REPS1: variants seen among roughly 807,000 people sequenced by gnomAD.
REPS1 encodes the protein RALBP1 associated Eps domain containing 1.
Under a neutral mutation model 100.9 loss-of-function variants are expected in REPS1, and 39 were observed. That is an observed-to-expected ratio of 0.39 (90% CI 0.30 to 0.50). REPS1 has a LOEUF of 0.50. Ranked by LOEUF, REPS1 falls within the 20% of genes least tolerant of loss-of-function variation. The probability of loss-of-function intolerance (pLI) is 0.86; values close to 1 mark genes in which losing one functional copy is unlikely to be tolerated. For synonymous variants in REPS1, 324 were observed against 340.3 expected (o/e 0.95, Z 0.53); for missense variants, 821 against 968.5 (o/e 0.85, Z 2.02).
chr6:138,963,412 A>G (rs1302376709), intron 1 of REPS1, among the ~76,000 whole-genome samples: 1 of 152,152 alleles, frequency 6.6e-6, no homozygotes, highest in Non-Finnish European at 1.5e-5. Context: ...AAGGTCTGGC[A>G]ATGTTCTTTG....
chr6:138,914,580 C>A lies in REPS1; in HGVS notation c.1785+117G>T, dbSNP rs374159049. 9 of 784,910 alleles carry A rather than the reference C, an allele frequency of 1.1e-5. 1 individual carries two copies. Among genetic ancestry groups the A allele is most frequent in the East Asian group, 2.5e-5 (1 of 39,300 alleles). 48.6% of individuals were successfully genotyped at this position (784,910 alleles called of 1,614,324 possible). ...ATTCAGCCTCACTGAATTAAATGCTCATTAAAGATTACCAACAGATCATTC... is the reference window on the plus strand; with the variant it reads ...ATTCAGCCTCACTGAATTAAATGCTAATTAAAGATTACCAACAGATCATTC... On this transcript the variant is annotated intron_variant, in intron 15 of 19. Transcript: ENST00000450536.
chr6:138,917,621 C>A lies in REPS1; in HGVS notation c.1535G>T (p.Gly512Val), dbSNP rs1780490044. The A allele has an allele frequency of 6.2e-7, 1 of 1,612,380 alleles. No individual in the cohort carries two copies. The highest frequency in any genetic ancestry group is 8.5e-7 in the Non-Finnish European group (1 of 1,178,846). ...AGTAAAAGAGTCTGAACTACTGTAACCATCTGCTGATAAATGGGATATGTC... is the reference window on the plus strand; with the variant it reads ...AGTAAAAGAGTCTGAACTACTGTAAACATCTGCTGATAAATGGGATATGTC... ...KFASGNTVAD[G>V]YSSSDSFTSD... The change falls in exon 13 of 20, where the codon GGT becomes GTT. Residue 512 changes from glycine to valine, a missense_variant. Coordinates refer to ENST00000450536, the MANE Select transcript of REPS1 (RefSeq NM_001286611.2).
At chr6:138,979,673 CACG>C (rs1188634310) in intron 1 of REPS1, among the ~76,000 whole-genome samples, 1 of 152,128 alleles carries the variant, frequency 6.6e-6, no homozygotes, top group Admixed American at 6.5e-5. Context: ...ATTTGGCATC[CACG>C]ACATGATAAT....
chr6:138,961,685 G>A (rs1424505557), intron 1 of REPS1, among the ~76,000 whole-genome samples: 2 of 152,198 alleles, frequency 1.3e-5, no homozygotes, highest in African/African-American at 4.8e-5. Flanking sequence ...TAATAGTATT[G>A]TTATGAAAAT....
intron 1 of REPS1, among the ~76,000 whole-genome samples, chr6:138,949,729 A>G (rs907768964): frequency 5.3e-4 from 3 of 5,674 alleles, no homozygotes; most frequent in Non-Finnish European, 1.4e-3. Context: ...CCATCTCATA[A>G]AAAAAAAAAA....
chr6:138,966,283 G>A (rs1368931688), intron 1 of REPS1, among the ~76,000 whole-genome samples: 1 of 152,066 alleles, frequency 6.6e-6, no homozygotes, highest in Non-Finnish European at 1.5e-5. Flanking sequence ...TGTTACCACT[G>A]GTCAAGCAGG....
chr6:138,924,693 A>G (rs960706569), intron 10 of REPS1, among the ~76,000 whole-genome samples: 14 of 152,236 alleles, frequency 9.2e-5, no homozygotes, highest in African/African-American at 3.4e-4. Flanking sequence ...AATAATATAG[A>G]GAATCAAAAC....
At chr6:138,929,610 G>A (rs932930288) in intron 9 of REPS1, 1 of 170,112 alleles carries the variant, frequency 5.9e-6, no homozygotes, top group Non-Finnish European at 1.3e-5. Context: ...TGAGAAGGCA[G>A]TGTGACACAG....
In REPS1 at chr6:138,907,534, A is replaced by C; in HGVS notation, c.2283T>G (p.Val761=). ...SIRRNKETNT[V]LARLNSELQQ... is the part of the protein sequence containing the mutation. ...GCAATTCGCTATTCAATCTGGCCAA[A>C]ACGGTGTTGGTTTCCTTATTACGTC... The change falls in exon 19 of 20, where the codon GTT becomes GTG. Residue 761 remains valine (V), a synonymous_variant. Coordinates refer to ENST00000450536, the MANE Select transcript of REPS1 (RefSeq NM_001286611.2). 6.2e-7 allele frequency: 1 copy of C among 1,613,324 alleles called. No individual in the cohort carries two copies. The highest frequency in any genetic ancestry group is 1.1e-5 in the South Asian group (1 of 91,060).
chr6:138,971,641 G>A (rs925784867), intron 1 of REPS1, among the ~76,000 whole-genome samples: 2 of 152,100 alleles, frequency 1.3e-5, no homozygotes, highest in Non-Finnish European at 2.9e-5. Context: ...GGGAGGGAGG[G>A]GAAAGCAGCA....
At chr6:138,980,694 G>A (rs1033171674) in intron 1 of REPS1, among the ~76,000 whole-genome samples, 1 of 136,168 alleles carries the variant, frequency 7.3e-6, no homozygotes, top group East Asian at 2.4e-4. Context: ...GCGGGGGGGG[G>A]GGGGAACGGA....
At position 138,980,688 on chromosome 6, in the gene REPS1, G is replaced by C. The variant is rs1301790111; in HGVS notation, c.153+6842C>G. On this transcript the variant is annotated intron_variant, in intron 1 of 19. Transcript: ENST00000450536. ...CCTTTTTTTTTTGTGGGTGGGGCGG[G>C]GGGGGGGGGGAACGGAGACTTGCTC... 6.4e-5 allele frequency among the ~76,000 whole-genome samples: 7 copies of C among 110,218 alleles called. 1 individual carries two copies. Among genetic ancestry groups the C allele is most frequent in the Non-Finnish European group, 1.1e-4 (6 of 52,198 alleles). The allele number at this position is 110,218 out of a possible 152,430, so 72.3% of individuals were successfully genotyped here.
At chr6:138,916,108 G>C (rs1780360180) in intron 13 of REPS1, 132 bp from the exon 14 acceptor site, 1 of 697,256 alleles carries the variant, frequency 1.4e-6, no homozygotes, top group African/African-American at 1.8e-5. Flanking sequence ...AAGTATGTAA[G>C]TGTTACAATA....
chr6:138,936,599 G>A (rs1411041626), intron 8 of REPS1, among the ~76,000 whole-genome samples: 11 of 115,500 alleles, frequency 9.5e-5, no homozygotes, highest in Non-Finnish European at 1.9e-4. Context: ...TGGGGGGGGA[G>A]ACAGACAGGG....
intron 1 of REPS1, among the ~76,000 whole-genome samples, chr6:138,956,890 T>C (rs185280325): frequency 4.2e-4 from 63 of 151,754 alleles, no homozygotes; most frequent in Non-Finnish European, 8.8e-5. Context: ...AAATACTCCA[T>C]TTGTAAAACA....
At chr6:138,905,424 T>C (rs1255239379) in intron 19 of REPS1, among the ~76,000 whole-genome samples, 1 of 151,084 alleles carries the variant, frequency 6.6e-6, no homozygotes, top group African/African-American at 2.4e-5. Context: ...CCCGAGTAGC[T>C]GGGACTACAG....
At chr6:138,953,943 G>A (rs1009255852) in intron 1 of REPS1, among the ~76,000 whole-genome samples, 8 of 152,050 alleles carry the variant, frequency 5.3e-5, no homozygotes, top group African/African-American at 1.7e-4. Flanking sequence ...ATTAACCCAG[G>A]TGTCCAACAA....
At chr6:138,923,482 G>A (rs1780911064) in intron 10 of REPS1, among the ~76,000 whole-genome samples, 1 of 152,266 alleles carries the variant, frequency 6.6e-6, no homozygotes, top group African/African-American at 2.4e-5. Context: ...ATAAAGCTTG[G>A]AACAGCTGGG....
intron 1 of REPS1, among the ~76,000 whole-genome samples, chr6:138,958,338 C>T (rs1349658133): frequency 6.6e-6 from 1 of 152,170 alleles, no homozygotes; most frequent in Non-Finnish European, 1.5e-5. Flanking sequence ...TGTGAACTAT[C>T]TGACTTTTTA....
Sources: allele counts gnomAD v4.1 joint callset (sites outside exome capture counted in the v4.1 genomes callset), GRCh38; gene constraint gnomAD v4.1.1; transcripts MANE v1.5; gene names NCBI Gene and HGNC (gene_info 2026-07-23, HGNC 2026-07-21).